The following ZNF718 variants were observed in gnomAD, a reference collection of about 807,000 sequenced individuals.
The protein encoded by ZNF718 is zinc finger protein 718.
ZNF718 carries 3 observed loss-of-function variants against 2.6 expected under a neutral mutation model. The ratio of observed to expected loss-of-function variants is 1.16; its 90% CI spans 0.53 to 3.01. The LOEUF is 3.01. Ranked by LOEUF, ZNF718 falls within the 30% of genes most tolerant of loss-of-function variation. The pLI is 0.03. For synonymous variants in ZNF718, 135 were observed against 77.9 expected (o/e 1.73, Z -3.86); for missense variants, 468 against 230.0 (o/e 2.03, Z -6.69).
At chr4:174,747 A>G (rs1246786480) in intron 3 of ZNF718, among the ~76,000 whole-genome samples, 1 of 152,158 alleles carries the variant, frequency 6.6e-6, no homozygotes, top group African/African-American at 2.4e-5. Flanking sequence ...AAATTCAAGT[A>G]ATTTCCAAGG....
At chr4:141,259 TCATAAAAC>T (rs1715800535) in intron 3 of ZNF718, among the ~76,000 whole-genome samples, 1 of 152,208 alleles carries the variant, frequency 6.6e-6, no homozygotes, top group African/African-American at 2.4e-5. Context: ...AAAAGGTTAT[TCATAAAAC>T]AATGTAGTAA....
chr4:193,980 C>T (rs1717743900), intron 3 of ZNF718, among the ~76,000 whole-genome samples: 1 of 152,164 alleles, frequency 6.6e-6, no homozygotes, highest in South Asian at 2.1e-4. Flanking sequence ...CCCTATTAGG[C>T]ATTTGATTTG....
intron 3 of ZNF718, among the ~76,000 whole-genome samples, chr4:189,055 GATT>G (rs1182120667): frequency 1.4e-5 from 2 of 144,306 alleles, no homozygotes; most frequent in African/African-American, 5.2e-5. Flanking sequence ...TGAATCTGTA[GATT>G]ATTTTTTTTT....
At chr4:156,710 T>C (rs1317529305) in intron 3 of ZNF718, among the ~76,000 whole-genome samples, 1 of 152,238 alleles carries the variant, frequency 6.6e-6, no homozygotes, top group Non-Finnish European at 1.5e-5. Flanking sequence ...TTGATTCATA[T>C]AGTTTCTGTC....
chr4:172,839 A>G (rs1553818339), intron 3 of ZNF718, among the ~76,000 whole-genome samples: 1 of 152,038 alleles, frequency 6.6e-6, no homozygotes, highest in African/African-American at 2.4e-5. Context: ...GTGGATCACA[A>G]GGTCAAGAGA....
downstream of ZNF718, among the ~76,000 whole-genome samples, chr4:168,751 T>A (rs565773305): frequency 2.1e-4 from 32 of 152,248 alleles, no homozygotes; most frequent in East Asian, 5.8e-3. Context: ...CTTTTCTTCT[T>A]TATTAGTCTT....
chr4:136,443 A>T (rs782194336), intron 3 of ZNF718: 2 of 521,794 alleles, frequency 3.8e-6, no homozygotes, highest in African/African-American at 3.9e-5. Context: ...AGCTGAGAGG[A>T]GTTTGAGACA....
chr4:189,463 A>G (rs929257072), intron 3 of ZNF718, among the ~76,000 whole-genome samples: 4 of 152,110 alleles, frequency 2.6e-5, no homozygotes, highest in African/African-American at 9.7e-5. Context: ...ATATAAAAGT[A>G]TTATTTCATC....
downstream of ZNF718, among the ~76,000 whole-genome samples, chr4:166,138 A>T (rs374727592): frequency 8.5e-3 from 1,299 of 152,200 alleles, 18 homozygotes; most frequent in Middle Eastern, 0.061. Flanking sequence ...GCTGAGAATG[A>T]TGGTTTCCAG....
rs1717648846 is a variant in ZNF718, at chr4:189,399, AAT to A, written c.227-11681_227-11680del. On this transcript the variant is annotated intron_variant and NMD_transcript_variant, in intron 3 of 4. Transcript: ENST00000642529. ...AAATATGTTCCCAAATGGTTTTTCCAATGTTATTATTAAATTTTTTCTTGACT... is the reference window on the plus strand; with the variant it reads ...AAATATGTTCCCAAATGGTTTTTCCAGTTATTATTAAATTTTTTCTTGACT... Among the ~76,000 whole-genome samples the A allele has an allele frequency of 2.6e-5, 4 of 152,212 alleles. No individual in the cohort carries two copies. In the South Asian group the frequency reaches 8.3e-4, roughly 32 times the overall value.
chr4:191,447 C>A lies in ZNF718; in HGVS notation c.227-9634C>A, dbSNP rs140719791. Among the ~76,000 whole-genome samples, 1,126 of 152,114 alleles carry A rather than the reference C, an allele frequency of 7.4e-3. 14 individuals are homozygous for A. The highest frequency in any genetic ancestry group is 0.026 in the African/African-American group (1,061 of 41,496). ...GATTTCAGGCATGAGTCACCGCACC[C>A]AGCCTAAGTCTTTAATAGAAGAAAC... On this transcript the variant is annotated intron_variant and NMD_transcript_variant, in intron 3 of 4. Coordinates refer to the ZNF718 transcript ENST00000642529.
At chr4:191,304 A>C (rs1717690008) in intron 3 of ZNF718, among the ~76,000 whole-genome samples, 1 of 151,616 alleles carries the variant, frequency 6.6e-6, no homozygotes, top group Admixed American at 6.6e-5. Flanking sequence ...ACACACCACG[A>C]CACCTGGCTA....
At chr4:176,806 C>T (rs1307257673) in intron 3 of ZNF718, among the ~76,000 whole-genome samples, 1 of 152,200 alleles carries the variant, frequency 6.6e-6, no homozygotes, top group East Asian at 1.9e-4. Context: ...TTCTCTTATT[C>T]AAACTAATCA....
intron 3 of ZNF718, among the ~76,000 whole-genome samples, chr4:143,228 G>A: frequency 6.6e-6 from 1 of 152,190 alleles, no homozygotes; most frequent in East Asian, 1.9e-4. Flanking sequence ...CGGAGTCTCT[G>A]TCACCCAGAC....
intron 3 of ZNF718, among the ~76,000 whole-genome samples, chr4:144,378 T>C (rs1371448879): frequency 2.0e-5 from 3 of 152,232 alleles, no homozygotes; most frequent in African/African-American, 7.2e-5. Flanking sequence ...CTCTACTGTT[T>C]TACTGATCAG....
At chr4:175,408 C>A (rs1399191110) in intron 3 of ZNF718, among the ~76,000 whole-genome samples, 1 of 152,190 alleles carries the variant, frequency 6.6e-6, no homozygotes, top group East Asian at 1.9e-4. Flanking sequence ...GATGTGGAAC[C>A]AGAACTCAGC....
chr4:135,817 C>T lies in ZNF718; in HGVS notation c.226+4312C>T, dbSNP rs1715546438. ...AGCTGGAGAGCTTCGTTTTCCTTTTCCTTGCCTAATTGTTCTCATACAAAT... is the reference window on the plus strand; with the variant it reads ...AGCTGGAGAGCTTCGTTTTCCTTTTTCTTGCCTAATTGTTCTCATACAAAT... On this transcript the variant is annotated intron_variant, in intron 3 of 3. Transcript: ENST00000510175. Among the ~76,000 whole-genome samples the T allele has an allele frequency of 2.2e-5, 3 of 134,822 alleles. No individual in the cohort carries two copies. In the South Asian group the frequency reaches 7.2e-4, roughly 32 times the overall value. 88.4% of individuals were successfully genotyped at this position (134,822 alleles called of 152,430 possible).
rs1553816202 is a variant in ZNF718, at chr4:163,860, T to G, written c.*1738T>G. On this transcript the variant is annotated 3_prime_UTR_variant, in exon 4 of 4. Coordinates refer to ENST00000510175, the MANE Select transcript of ZNF718 (RefSeq NM_001039127.6). ...TGTTAAATTTTTATTATTTTTTATA[T>G]TTAAATTTATTTTTAAAAATTTATG... The G allele has an allele frequency of 6.6e-6, 1 of 151,942 alleles. No homozygotes were observed. The highest frequency in any genetic ancestry group is 2.4e-5 in the African/African-American group (1 of 41,452). 9.4% of individuals were successfully genotyped at this position (151,942 alleles called of 1,614,324 possible).
At chr4:195,480 A>G (rs1390563953) in intron 3 of ZNF718, among the ~76,000 whole-genome samples, 1 of 152,158 alleles carries the variant, frequency 6.6e-6, no homozygotes, top group Admixed American at 6.5e-5. Flanking sequence ...CCTGTTAGGA[A>G]ATCTGCTGGG....
Sources: gnomAD v4.1 joint callset for allele counts (sites outside exome capture counted in the v4.1 genomes callset) on GRCh38, gnomAD v4.1.1 for gene constraint, MANE v1.5 for transcripts, NCBI Gene and HGNC (gene_info 2026-07-23, HGNC 2026-07-21) for gene names.